Variants in AATF observed in about 807,000 individuals in gnomAD.
The protein encoded by AATF is protein AATF.
Under a neutral mutation model 63.7 loss-of-function variants are expected in AATF, and 48 were observed. The ratio of observed to expected loss-of-function variants is 0.75; its 90% confidence interval spans 0.60 to 0.96. The LOEUF (loss-of-function observed/expected upper bound fraction) is 0.96, where lower values mean the gene tolerates loss of function less well. Ranked by LOEUF, AATF falls within the 40% of genes least tolerant of loss-of-function variation. The pLI is 0.00. For missense variants in AATF, 639 were observed against 685.7 expected, an observed-to-expected ratio of 0.93 and a Z score of 0.76; for synonymous variants, 258 against 247.7, an observed-to-expected ratio of 1.04 and a Z score of -0.39.
intron 6 of AATF, 94 bp downstream of exon 6, chr17:36,988,814 T>A: frequency 8.3e-7 from 1 of 1,206,718 alleles, no homozygotes; most frequent in Non-Finnish European, 1.2e-6. Context: ...TTTATATGGA[T>A]GTTGTCACGA....
At chr17:36,993,408 G>T (rs1053598917) in intron 8 of AATF, among the ~76,000 whole-genome samples, 1 of 152,188 alleles carries the variant, frequency 6.6e-6, no homozygotes, top group African/African-American at 2.4e-5. Context: ...ACAGACACAA[G>T]GTAGCACCTG....
chr17:37,053,600 G>C (rs763654213), intron 11 of AATF, among the ~76,000 whole-genome samples: 6 of 152,196 alleles, frequency 3.9e-5, no homozygotes, highest in Non-Finnish European at 7.3e-5. Context: ...GTTTATGTGT[G>C]GCCCACGCCT....
chr17:37,033,189 GCTAT>G, intron 11 of AATF, among the ~76,000 whole-genome samples: 1 of 152,162 alleles, frequency 6.6e-6, no homozygotes, highest in Non-Finnish European at 1.5e-5. Flanking sequence ...GACCACATCT[GCTAT>G]CCTGTGCTTT....
chr17:37,006,923 T>A (rs188852997), intron 8 of AATF, among the ~76,000 whole-genome samples: 1 of 152,350 alleles, frequency 6.6e-6, no homozygotes, highest in East Asian at 1.9e-4. Context: ...AATCAAATCC[T>A]TAAAGACCAA....
At chr17:37,013,611 A>G (rs2142280281) in intron 8 of AATF, among the ~76,000 whole-genome samples, 1 of 135,370 alleles carries the variant, frequency 7.4e-6, no homozygotes, top group African/African-American at 3.6e-5. Context: ...CTCACTCCCC[A>G]CAACCAAGGG....
rs35223755 is a variant in AATF, at chr17:37,048,820, A to G, written c.1620-7781A>G. On this transcript the variant is annotated intron_variant, in intron 11 of 11. Transcript: ENST00000619387. ...GTTTCTCCTTTTAGGTCATAGAGAC[A>G]CTTCTCAAATATCTTTCTCTCATTT... is the stretch of plus-strand genomic sequence containing the variant. Among the ~76,000 whole-genome samples the G allele has an allele frequency of 4.1e-3, 630 of 152,318 alleles. 3 individuals carry two copies. Among genetic ancestry groups the G allele is most frequent in the African/African-American group, 0.014 (571 of 41,570 alleles).
chr17:37,039,327 G>GTT (rs2071618029), intron 11 of AATF, among the ~76,000 whole-genome samples: 1 of 152,200 alleles, frequency 6.6e-6, no homozygotes, highest in Non-Finnish European at 1.5e-5. Context: ...TCTGACAGGT[G>GTT]AGACAAGCCC....
rs2071187280 is a variant in AATF at position 36,988,574 on chromosome 17, A to G, written c.1003A>G (p.Arg335Gly). ...ELVEEKKQQR[R>G]RVPAKRKLEM... Reference sequence around the variant, plus strand: ...GGTAGAAGAGAAGAAGCAGCAACGAAGAAGGGTCCCTGCAAAGAGGAAGCT... The same window carrying G: ...GGTAGAAGAGAAGAAGCAGCAACGAGGAAGGGTCCCTGCAAAGAGGAAGCT... The change falls in exon 6 of 12, where the codon AGA (arginine) becomes GGA (glycine). Residue 335 changes from arginine (R) to glycine (G), a missense_variant. Physicochemically the swap from Arg to Gly is moderately radical, Grantham distance 125. Transcript: ENST00000619387. 6.2e-7 allele frequency: 1 copy of G among 1,614,190 alleles called. No individual in the cohort carries two copies.
Position 37,019,201 on chromosome 17 carries a change from A to G in AATF, c.1466+129A>G, listed in dbSNP as rs978718571. On this transcript the variant is annotated intron_variant, in intron 9 of 11. Transcript: ENST00000619387. ...TATTGAAGTTAAGCAAGTAAGAGCT[A>G]GAAAGAAAATGTGACTAATTGTTTA... The G allele has an allele frequency of 4.0e-6, 3 of 748,408 alleles. No homozygotes were observed. The South Asian group carries it at 5.3e-5, about 13-fold the overall frequency. 46.4% of individuals were successfully genotyped at this position (748,408 alleles called of 1,614,324 possible).
At chr17:37,009,619 C>T (rs2071370552) in intron 8 of AATF, among the ~76,000 whole-genome samples, 1 of 148,718 alleles carries the variant, frequency 6.7e-6, no homozygotes, top group African/African-American at 2.5e-5. Flanking sequence ...AGATCGAGAC[C>T]ATCCTGGCTA....
At chr17:36,981,379 G>A (rs867863169) in intron 4 of AATF, among the ~76,000 whole-genome samples, 40 of 151,864 alleles carry the variant, frequency 2.6e-4, no homozygotes, top group African/African-American at 3.6e-4. Context: ...TTTTTAGATC[G>A]TGGACACATG....
intron 4 of AATF, among the ~76,000 whole-genome samples, chr17:36,966,005 T>C (rs2070988887): frequency 6.6e-6 from 1 of 152,174 alleles, no homozygotes; most frequent in African/African-American, 2.4e-5. Context: ...AACATTTACC[T>C]TAGTAAGTAT....
At position 37,056,703 on chromosome 17, in the gene AATF, G is replaced by C. The variant is rs1023367152; in HGVS notation, c.*39G>C. 3 of 1,608,366 alleles carry C rather than the reference G, an allele frequency of 1.9e-6. No individual in the cohort carries two copies. The highest frequency in any genetic ancestry group is 2.6e-6 in the Non-Finnish European group (3 of 1,175,036). ...CGACACCCAGTGGGCGCCTTGGCTG[G>C]TGCGGCTGCTGGTCCAGATGGAGGA... On this transcript the variant is annotated 3_prime_UTR_variant, in exon 12 of 12. Coordinates refer to ENST00000619387, the MANE Select transcript of AATF (RefSeq NM_012138.4).
chr17:37,037,583 A>C (rs2071603829), intron 11 of AATF, among the ~76,000 whole-genome samples: 1 of 152,234 alleles, frequency 6.6e-6, no homozygotes. Flanking sequence ...CCATGCCATT[A>C]GACCAGAGGG....
intron 8 of AATF, among the ~76,000 whole-genome samples, chr17:37,007,653 G>A (rs1311452737): frequency 6.6e-6 from 1 of 152,088 alleles, no homozygotes; most frequent in Non-Finnish European, 1.5e-5. Context: ...TAACCAGAAC[G>A]CTTGGTGAGT....
intron 4 of AATF, among the ~76,000 whole-genome samples, chr17:36,958,000 A>G (rs540036176): frequency 1.3e-5 from 2 of 152,290 alleles, no homozygotes; most frequent in Admixed American, 6.5e-5. Flanking sequence ...TTGGTGTTAC[A>G]TGTTGGTAAT....
Position 37,031,832 on chromosome 17 carries a change from A to G in AATF, c.1619+147A>G, listed in dbSNP as rs936317321. The G allele has an allele frequency of 2.5e-5, 17 of 677,890 alleles. No individual in the cohort carries two copies. In the Admixed American group the frequency reaches 2.8e-4, roughly 11 times the overall value. The allele number at this position is 677,890 out of a possible 1,614,324, so 42.0% of individuals were successfully genotyped here. A position where few individuals can be genotyped will look rare whatever the true frequency, so the allele number is the denominator to read the frequency against. On this transcript the variant is annotated intron_variant, in intron 11 of 11. Coordinates refer to ENST00000619387, the MANE Select transcript of AATF (RefSeq NM_012138.4). The stretch of plus-strand genomic sequence containing the variant: ...GTAAGGGTCACATCTCTTCACCCTC[A>G]TAATTACTATAAAACCAAACCAAAA...
chr17:36,949,191 G>T lies in AATF; in HGVS notation c.66G>T (p.Ala22=). Residue 22 remains alanine (A), a synonymous_variant, in exon 1 of 12, where the codon GCG becomes GCT. Coordinates refer to ENST00000619387, the MANE Select transcript of AATF (RefSeq NM_012138.4). The stretch of plus-strand genomic sequence containing the variant: ...TGTTGAACCCGCGACCAAGCGAGGC[G>T]GACCCTGAAGCGGACCCCGAGGAAG... ...EQLLNPRPSE[A]DPEADPEEAT... 1.3e-6 allele frequency: 2 copies of T among 1,593,522 alleles called. No homozygotes were observed. Among genetic ancestry groups the T allele is most frequent in the Non-Finnish European group, 1.7e-6 (2 of 1,171,748 alleles).
intron 8 of AATF, among the ~76,000 whole-genome samples, chr17:37,018,105 T>TAAA (rs2071441348): frequency 6.6e-6 from 1 of 152,256 alleles, no homozygotes; most frequent in Non-Finnish European, 1.5e-5. Context: ...AATCTCTGTT[T>TAAA]CTCTTTCTCT....
Sources: gnomAD v4.1 joint callset for allele counts (sites outside exome capture counted in the v4.1 genomes callset) on GRCh38, gnomAD v4.1.1 for gene constraint, MANE v1.5 for transcripts, NCBI Gene and HGNC (gene_info 2026-07-23, HGNC 2026-07-21) for gene names.